The following GLI3 variants were observed in gnomAD, a reference collection of about 807,000 sequenced individuals.
GLI3 encodes the protein transcription activator GLI3.
GLI3 carries 20 observed loss-of-function variants against 100.8 expected under a neutral mutation model. The ratio of observed to expected loss-of-function variants is 0.20; its 90% CI spans 0.14 to 0.29. GLI3 has a LOEUF of 0.29. Ranked by LOEUF, GLI3 falls within the 10% of genes least tolerant of loss-of-function variation. GLI3 has a pLI of 1.00. For missense variants in GLI3, 2,040 were observed against 2,128.5 expected (o/e 0.96, Z 0.82); for synonymous variants, 938 against 860.5 (o/e 1.09, Z -1.58).
At chr7:42,138,200 G>A (rs915097572) in intron 3 of GLI3, among the ~76,000 whole-genome samples, 1 of 152,132 alleles carries the variant, frequency 6.6e-6, no homozygotes, top group Non-Finnish European at 1.5e-5. Context: ...CATGCATCAT[G>A]TACTTAATGG....
intron 1 of GLI3, among the ~76,000 whole-genome samples, chr7:42,230,709 T>G (rs1788680909): frequency 6.6e-6 from 1 of 152,242 alleles, no homozygotes. Context: ...CATCTAATAC[T>G]TGTTACCATT....
chr7:42,183,081 T>C (rs1410761194), intron 2 of GLI3, among the ~76,000 whole-genome samples: 1 of 151,868 alleles, frequency 6.6e-6, no homozygotes, highest in East Asian at 1.9e-4. Flanking sequence ...AAAATAAGCC[T>C]GGCATGGTGG....
At chr7:42,214,957 C>T (rs998720647) in intron 2 of GLI3, among the ~76,000 whole-genome samples, 2 of 150,894 alleles carry the variant, frequency 1.3e-5, no homozygotes, top group Non-Finnish European at 2.9e-5. Context: ...ACTACAAATT[C>T]GACATAAGAT....
intron 4 of GLI3, among the ~76,000 whole-genome samples, chr7:42,053,971 G>A (rs1252182280): frequency 6.6e-6 from 1 of 152,144 alleles, no homozygotes; most frequent in African/African-American, 2.4e-5. Flanking sequence ...TTATCCCTGT[G>A]TCTTGGCTCC....
At chr7:42,230,244 A>G (rs1788672521) in intron 1 of GLI3, among the ~76,000 whole-genome samples, 3 of 152,220 alleles carry the variant, frequency 2.0e-5, no homozygotes, top group South Asian at 4.1e-4. Context: ...TTAACTCCAA[A>G]TAGGAAAGCT....
chr7:42,107,208 G>A (rs534796490), intron 3 of GLI3, among the ~76,000 whole-genome samples: 3 of 152,240 alleles, frequency 2.0e-5, no homozygotes, highest in Admixed American at 2.0e-4. Context: ...GTGCAAGTCT[G>A]TAGTCCCAGC....
rs548122898 is a variant in GLI3 at position 42,129,654 on chromosome 7, CA to C, written c.367+18571del. 4.8e-4 allele frequency among the ~76,000 whole-genome samples: 73 copies of C among 152,086 alleles called. 1 individual carries two copies. The South Asian group carries it at 0.015, about 30-fold the overall frequency. On this transcript the variant is annotated intron_variant, in intron 3 of 14. Coordinates refer to ENST00000395925, the MANE Select transcript of GLI3 (RefSeq NM_000168.6). ...TGAAACCCCGTCTCTACCAAAAATA[CA>C]AAAAAATTAGCTGGGTGAGGTGGCG... is the stretch of plus-strand genomic sequence containing the variant.
intron 2 of GLI3, among the ~76,000 whole-genome samples, chr7:42,171,251 C>T (rs936563508): frequency 2.6e-5 from 4 of 152,160 alleles, no homozygotes; most frequent in African/African-American, 2.4e-5. Flanking sequence ...ACAGGCTTCA[C>T]GAAATAGACA....
intron 1 of GLI3, among the ~76,000 whole-genome samples, chr7:42,228,207 C>A (rs958114720): frequency 1.3e-5 from 2 of 151,892 alleles, no homozygotes; most frequent in East Asian, 3.9e-4. Flanking sequence ...CCGGCCCCGG[C>A]GCGCCCCAGT....
At chr7:42,096,434 A>C (rs1413569351) in intron 3 of GLI3, among the ~76,000 whole-genome samples, 4 of 152,194 alleles carry the variant, frequency 2.6e-5, no homozygotes, top group African/African-American at 7.2e-5. Flanking sequence ...TCCCACCCCT[A>C]AACAGCAGGC....
intron 2 of GLI3, among the ~76,000 whole-genome samples, chr7:42,216,298 C>G (rs1344809765): frequency 1.3e-5 from 2 of 152,146 alleles, no homozygotes; most frequent in East Asian, 3.9e-4. Context: ...AGGTGCTACT[C>G]TCAAGAAGTT....
At chr7:42,194,913 C>T (rs1161635411) in intron 2 of GLI3, among the ~76,000 whole-genome samples, 1 of 151,858 alleles carries the variant, frequency 6.6e-6, no homozygotes, top group Non-Finnish European at 1.5e-5. Context: ...ATTACAGGCA[C>T]CCACCACCAG....
At chr7:42,235,810 G>C (rs1269416450) in intron 1 of GLI3, among the ~76,000 whole-genome samples, 2 of 152,252 alleles carry the variant, frequency 1.3e-5, no homozygotes, top group Non-Finnish European at 2.9e-5. Context: ...TGAAGTGGCA[G>C]CTGGAAAATG....
intron 3 of GLI3, among the ~76,000 whole-genome samples, chr7:42,108,491 C>T (rs981158026): frequency 2.6e-5 from 4 of 152,126 alleles, no homozygotes; most frequent in African/African-American, 9.7e-5. Flanking sequence ...ATAGACTCTT[C>T]CTCTGGGTAG....
chr7:42,190,325 A>G (rs944095114), intron 2 of GLI3, among the ~76,000 whole-genome samples: 2 of 152,192 alleles, frequency 1.3e-5, no homozygotes, highest in African/African-American at 4.8e-5. Context: ...ACCACGGGCA[A>G]ATCCACCCAA....
At chr7:42,164,845 T>G (rs1787207164) in intron 2 of GLI3, among the ~76,000 whole-genome samples, 1 of 148,418 alleles carries the variant, frequency 6.7e-6, no homozygotes, top group African/African-American at 2.5e-5. Flanking sequence ...AATAAATAAA[T>G]AAATAAAAAT....
intron 4 of GLI3, among the ~76,000 whole-genome samples, chr7:42,067,238 C>T (rs1352214798): frequency 4.6e-5 from 7 of 152,084 alleles, no homozygotes; most frequent in Non-Finnish European, 8.8e-5. Flanking sequence ...TGAAAACTTT[C>T]CTTAGTGTGC....
At chr7:42,113,735 G>C (rs1437471131) in intron 3 of GLI3, 1 of 604,374 alleles carries the variant, frequency 1.7e-6, no homozygotes, top group Admixed American at 2.3e-5. Context: ...AAGCTATGTT[G>C]TTAGCACACA....
chr7:42,198,091 A>T (rs1583640428), intron 2 of GLI3, among the ~76,000 whole-genome samples: 2 of 152,138 alleles, frequency 1.3e-5, no homozygotes, highest in African/African-American at 4.8e-5. Context: ...GCTTAAGGTC[A>T]TTTTTATACC....
Sources: gnomAD v4.1 joint callset for allele counts (sites outside exome capture counted in the v4.1 genomes callset) on GRCh38, gnomAD v4.1.1 for gene constraint, MANE v1.5 for transcripts, NCBI Gene and HGNC (gene_info 2026-07-23, HGNC 2026-07-21) for gene names.